PRICKLE2: variants seen among roughly 807,000 people sequenced by gnomAD.
PRICKLE2 encodes the protein prickle planar cell polarity protein 2.
PRICKLE2 carries 21 observed loss-of-function variants against 81.4 expected under a neutral mutation model. The observed-to-expected ratio is 0.26, with a 90% CI of 0.18 to 0.37. The LOEUF (loss-of-function observed/expected upper bound fraction) is 0.37. Among genes scored for constraint, PRICKLE2 ranks in the 10% least tolerant of loss-of-function variants. The pLI is 1.00. For synonymous variants in PRICKLE2, 456 were observed against 421.5 expected, an observed-to-expected ratio of 1.08 and a Z score of -1.00; for missense variants, 940 against 1,109.0, an observed-to-expected ratio of 0.85 and a Z score of 2.16.
At chr3:64,263,583 G>A (rs1038831548) in intron 2 of PRICKLE2, among the ~76,000 whole-genome samples, 3 of 152,200 alleles carry the variant, frequency 2.0e-5, no homozygotes, top group Admixed American at 6.5e-5. Flanking sequence ...AGGGCTGCAA[G>A]TGAGCTCAGG....
intron 7 of PRICKLE2, among the ~76,000 whole-genome samples, chr3:64,129,501 A>G (rs1473614441): frequency 6.6e-6 from 1 of 152,178 alleles, no homozygotes; most frequent in Non-Finnish European, 1.5e-5. Context: ...AGAATAAAAA[A>G]TTCGGGAATG....
chr3:64,169,294 G>C (rs949799072), intron 2 of PRICKLE2, among the ~76,000 whole-genome samples: 1 of 152,172 alleles, frequency 6.6e-6, no homozygotes, highest in Non-Finnish European at 1.5e-5. Context: ...GCTGTAACCT[G>C]AGGATAGTAG....
intron 1 of PRICKLE2, among the ~76,000 whole-genome samples, chr3:64,201,831 T>C (rs2078587163): frequency 6.6e-6 from 1 of 152,208 alleles, no homozygotes; most frequent in Non-Finnish European, 1.5e-5. Context: ...GTCATAAAGA[T>C]GTATTCTTAC....
chr3:64,207,054 A>G (rs1485409053), intron 1 of PRICKLE2, among the ~76,000 whole-genome samples: 5 of 151,268 alleles, frequency 3.3e-5, no homozygotes, highest in African/African-American at 4.9e-5. Context: ...CACATGCCAC[A>G]ATGCCCAGCT....
At chr3:64,186,719 T>C (rs2078241197) in intron 2 of PRICKLE2, among the ~76,000 whole-genome samples, 1 of 152,156 alleles carries the variant, frequency 6.6e-6, no homozygotes, top group African/African-American at 2.4e-5. Context: ...CACAAATAAA[T>C]GCATAAAGGA....
chr3:64,131,223 G>T (rs1173210827), intron 7 of PRICKLE2, among the ~76,000 whole-genome samples: 1 of 152,200 alleles, frequency 6.6e-6, no homozygotes, highest in Non-Finnish European at 1.5e-5. Context: ...TATTCCATAT[G>T]ATTTCCCCCC....
intron 2 of PRICKLE2, among the ~76,000 whole-genome samples, chr3:64,261,072 G>A (rs184794544): frequency 6.6e-6 from 1 of 152,264 alleles, no homozygotes; most frequent in East Asian, 1.9e-4. Flanking sequence ...CTTGTACAGA[G>A]TGCTGAAATA....
At chr3:64,188,109 C>G (rs1000099628) in intron 2 of PRICKLE2, among the ~76,000 whole-genome samples, 1 of 152,218 alleles carries the variant, frequency 6.6e-6, no homozygotes, top group African/African-American at 2.4e-5. Context: ...GCACGCAAAT[C>G]TGCTTCAGTG....
chr3:64,133,869 G>A (rs1202085040), intron 7 of PRICKLE2, among the ~76,000 whole-genome samples: 1 of 152,072 alleles, frequency 6.6e-6, no homozygotes, highest in Admixed American at 6.5e-5. Flanking sequence ...GTACAGAATC[G>A]CCAAATCTCA....
At chr3:64,188,890 A>C (rs1172871204) in intron 2 of PRICKLE2, among the ~76,000 whole-genome samples, 1 of 152,008 alleles carries the variant, frequency 6.6e-6, no homozygotes, top group Non-Finnish European at 1.5e-5. Flanking sequence ...AAGCCTGTCA[A>C]CTCCTTGCTC....
intron 2 of PRICKLE2, among the ~76,000 whole-genome samples, chr3:64,240,919 G>A (rs2079255587): frequency 1.3e-5 from 2 of 152,158 alleles, no homozygotes; most frequent in African/African-American, 4.8e-5. Flanking sequence ...CAATGGCAGA[G>A]GCTAGAGGAG....
At chr3:64,224,142 C>T (rs2078997711) in intron 1 of PRICKLE2, among the ~76,000 whole-genome samples, 1 of 152,190 alleles carries the variant, frequency 6.6e-6, no homozygotes, top group Non-Finnish European at 1.5e-5. Flanking sequence ...GTATGGATCG[C>T]TAACCTCAGT....
chr3:64,147,332 G>A lies in PRICKLE2; in HGVS notation c.1158C>T (p.Pro386=), dbSNP rs766760309. 5 of 1,614,128 alleles carry A rather than the reference G, an allele frequency of 3.1e-6. No homozygotes were observed. The East Asian group carries it at 6.7e-5, about 22-fold the overall frequency. ...MDMLSLSSQT[P]SLNRDPIWRS... is the part of the protein sequence containing the mutation. ...TCCAGATGGGGTCCCGGTTGAGGCTGGGTGTCTGGCTGGACAGGCTGAGCA... is the reference window on the plus strand; with the variant it reads ...TCCAGATGGGGTCCCGGTTGAGGCTAGGTGTCTGGCTGGACAGGCTGAGCA... The change falls in exon 7 of 8, where the codon CCC becomes CCT. Residue 386 remains proline (P), a synonymous_variant. Coordinates refer to ENST00000638394, the MANE Select transcript of PRICKLE2 (RefSeq NM_198859.4). This position sits in a 1 kb window ranked among gnomAD's most constrained non-coding sequence, Gnocchi z 5.0.
At chr3:64,109,049 CCTG>C (rs910630276) in intron 7 of PRICKLE2, among the ~76,000 whole-genome samples, 51 of 152,220 alleles carry the variant, frequency 3.4e-4, no homozygotes, top group African/African-American at 1.1e-3. Flanking sequence ...CTGTCCTCCA[CCTG>C]CTGCTTGACC....
rs1477623162 is a variant in PRICKLE2 at position 64,093,675 on chromosome 3, C to G, written c.*5376G>C. 1 of 152,048 alleles carries G rather than the reference C, an allele frequency of 6.6e-6. No individual in the cohort carries two copies. The highest frequency in any genetic ancestry group is 2.1e-4 in the South Asian group (1 of 4,812). The allele number at this position is 152,048 out of a possible 1,614,324, so 9.4% of individuals were successfully genotyped here. Reference sequence around the variant, plus strand: ...AATGCACAGGACAGCCCTCTGCAACCGAGAATTAACTAGCACAAGACGTCA... The same window carrying G: ...AATGCACAGGACAGCCCTCTGCAACGGAGAATTAACTAGCACAAGACGTCA... On this transcript the variant is annotated 3_prime_UTR_variant, in exon 8 of 8. Transcript: ENST00000638394.
upstream of PRICKLE2, among the ~76,000 whole-genome samples, chr3:64,229,547 G>C (rs980355129): frequency 1.2e-4 from 18 of 152,144 alleles, no homozygotes. Flanking sequence ...TGAATATTGA[G>C]ATAAGAACTG....
intron 7 of PRICKLE2, chr3:64,105,937 A>C (rs36237): frequency 3.9e-5 from 6 of 152,164 alleles, no homozygotes; most frequent in African/African-American, 1.4e-4. Context: ...GAGGAAAAAT[A>C]TATCTTTCCT....
intron 2 of PRICKLE2, among the ~76,000 whole-genome samples, chr3:64,170,495 G>A (rs903917232): frequency 6.6e-6 from 1 of 152,060 alleles, no homozygotes; most frequent in Non-Finnish European, 1.5e-5. Flanking sequence ...TGCCTCTGCA[G>A]TCGAGTCTCT....
chr3:64,243,885 G>C (rs749430684), intron 2 of PRICKLE2, among the ~76,000 whole-genome samples: 13 of 152,222 alleles, frequency 8.5e-5, no homozygotes, highest in Non-Finnish European at 1.6e-4. Context: ...TCAATGCCCT[G>C]TCTCATTTTA....
Sources: allele counts gnomAD v4.1 joint callset (sites outside exome capture counted in the v4.1 genomes callset), GRCh38; gene constraint gnomAD v4.1.1; non-coding constraint Gnocchi (gnomAD v3.1); transcripts MANE v1.5; gene names NCBI Gene and HGNC (gene_info 2026-07-23, HGNC 2026-07-21).